The following DLG2 variants were observed in gnomAD, a reference collection of about 807,000 sequenced individuals.
The protein encoded by DLG2 is discs large MAGUK scaffold protein 2, also known as disks large homolog 2.
A neutral mutation model predicts 132.5 loss-of-function variants in DLG2; 45 were observed. That is an observed-to-expected ratio of 0.34 (90% CI 0.27 to 0.44). The LOEUF is 0.44. Ranked by LOEUF, DLG2 falls within the 20% of genes least tolerant of loss-of-function variation. The pLI, the probability that DLG2 is intolerant of heterozygous loss-of-function variation, is 1.00. For synonymous variants in DLG2, 424 were observed against 419.6 expected (o/e 1.01, Z -0.13); for missense variants, 1,045 against 1,196.9 (o/e 0.87, Z 1.87).
intron 25 of DLG2, among the ~76,000 whole-genome samples, chr11:83,467,874 G>A (rs961496632): frequency 2.0e-4 from 28 of 139,752 alleles, no homozygotes; most frequent in African/African-American, 5.9e-4. Context: ...AATTAAATGC[G>A]GGTTAAATGC....
chr11:85,309,357 T>G (rs1485663647), intron 3 of DLG2, among the ~76,000 whole-genome samples: 1 of 151,816 alleles, frequency 6.6e-6, no homozygotes, highest in Non-Finnish European at 1.5e-5. Flanking sequence ...ATGTAGCAAT[T>G]TTACAGTAAT....
intron 19 of DLG2, among the ~76,000 whole-genome samples, chr11:83,598,179 C>T (rs889094808): frequency 6.6e-6 from 1 of 152,092 alleles, no homozygotes; most frequent in African/African-American, 2.4e-5. Context: ...TCTGCATTTC[C>T]GAGAAGGGAA....
intron 18 of DLG2, among the ~76,000 whole-genome samples, chr11:83,700,901 C>G (rs971880469): frequency 1.3e-5 from 2 of 152,146 alleles, no homozygotes; most frequent in Non-Finnish European, 2.9e-5. Flanking sequence ...AACAATTGCT[C>G]TAGTAGTGCC....
rs545886752 is a variant in DLG2, at chr11:83,570,351, A to G, written c.1941-28493T>C. Among the ~76,000 whole-genome samples the G allele has an allele frequency of 2.6e-5, 4 of 152,314 alleles. No individual in the cohort carries two copies. In the East Asian group the frequency reaches 5.8e-4, roughly 22 times the overall value. Reference sequence around the variant, plus strand: ...TTAGTTCCCAGGATCCATGTGATGAATTTAAAGAAATAATGTAAGCACCCT... The same window carrying G: ...TTAGTTCCCAGGATCCATGTGATGAGTTTAAAGAAATAATGTAAGCACCCT... On this transcript the variant is annotated intron_variant, in intron 19 of 27. Transcript: ENST00000376104.
intron 3 of DLG2, among the ~76,000 whole-genome samples, chr11:85,287,097 G>A (rs1466502891): frequency 1.3e-5 from 2 of 152,084 alleles, no homozygotes; most frequent in South Asian, 2.1e-4. Context: ...TAAGAGTGAT[G>A]TGTATGCTTA....
chr11:83,970,354 C>A (rs1311030646), intron 12 of DLG2, among the ~76,000 whole-genome samples: 3 of 152,124 alleles, frequency 2.0e-5, no homozygotes, highest in African/African-American at 7.2e-5. Flanking sequence ...ATTTTTAGAC[C>A]ATAAAGCAGA....
At chr11:84,328,941 T>G (rs561083637) in intron 7 of DLG2, among the ~76,000 whole-genome samples, 2 of 152,340 alleles carry the variant, frequency 1.3e-5, no homozygotes, top group South Asian at 4.1e-4. Context: ...GTGCCTAGTT[T>G]CTATCAGGAA....
intron 3 of DLG2, among the ~76,000 whole-genome samples, chr11:85,512,046 T>A (rs1045022363): frequency 6.6e-6 from 1 of 152,096 alleles, no homozygotes; most frequent in Admixed American, 6.6e-5. Context: ...TCAGGAAGGA[T>A]CATAATATTA....
At chr11:84,785,664 A>G (rs1184773184) in intron 6 of DLG2, among the ~76,000 whole-genome samples, 5 of 152,176 alleles carry the variant, frequency 3.3e-5, no homozygotes, top group Non-Finnish European at 7.4e-5. Context: ...AAAACAAAAA[A>G]TAGGTTCCCT....
At chr11:84,769,344 T>C (rs751928759) in intron 6 of DLG2, among the ~76,000 whole-genome samples, 25 of 152,106 alleles carry the variant, frequency 1.6e-4, no homozygotes, top group East Asian at 3.9e-4. Context: ...TAAAATACAA[T>C]TGAAAGCTTT....
At chr11:83,658,910 G>C (rs1203748554) in intron 18 of DLG2, among the ~76,000 whole-genome samples, 9 of 152,184 alleles carry the variant, frequency 5.9e-5, no homozygotes, top group Admixed American at 5.2e-4. Flanking sequence ...GTGTGTAGTA[G>C]CATCACCCAG....
chr11:85,090,727 C>A (rs1566828173), intron 6 of DLG2, among the ~76,000 whole-genome samples: 1 of 152,182 alleles, frequency 6.6e-6, no homozygotes, highest in African/African-American at 2.4e-5. Context: ...TAGATCATCA[C>A]AATAAAGCAA....
chr11:84,003,392 C>T (rs1227848305), intron 11 of DLG2, among the ~76,000 whole-genome samples: 20 of 152,104 alleles, frequency 1.3e-4, no homozygotes, highest in Non-Finnish European at 4.4e-5. Context: ...TACCATTTTC[C>T]TGTATTAGTC....
At chr11:84,675,636 C>T (rs564655160) in intron 6 of DLG2, among the ~76,000 whole-genome samples, 4 of 152,028 alleles carry the variant, frequency 2.6e-5, no homozygotes, top group African/African-American at 9.7e-5. Flanking sequence ...GTTCACAATG[C>T]TTATTTCTAG....
intron 21 of DLG2, among the ~76,000 whole-genome samples, chr11:83,486,650 ACACTT>A (rs1265020075): frequency 2.8e-4 from 43 of 152,258 alleles, no homozygotes; most frequent in Admixed American, 3.3e-4. Context: ...ACTAAGCATC[ACACTT>A]TACAAAAGAA....
intron 6 of DLG2, among the ~76,000 whole-genome samples, chr11:84,794,183 G>T (rs1187021219): frequency 6.6e-6 from 1 of 152,216 alleles, no homozygotes; most frequent in Non-Finnish European, 1.5e-5. Flanking sequence ...AAACTATTTA[G>T]AAAGAATAAG....
intron 6 of DLG2, among the ~76,000 whole-genome samples, chr11:85,003,847 T>C (rs1015586889): frequency 6.6e-6 from 1 of 152,148 alleles, no homozygotes; most frequent in Admixed American, 6.5e-5. Flanking sequence ...CATTTGGTTT[T>C]TCTCTTAATG....
chr11:85,601,134 G>C (rs2080124467), intron 2 of DLG2, among the ~76,000 whole-genome samples: 1 of 152,128 alleles, frequency 6.6e-6, no homozygotes, highest in South Asian at 2.1e-4. Flanking sequence ...GATGACTGTT[G>C]AGTATTTATT....
chr11:84,311,032 A>C (rs2098281414), intron 7 of DLG2, among the ~76,000 whole-genome samples: 1 of 152,146 alleles, frequency 6.6e-6, no homozygotes, highest in South Asian at 2.1e-4. Flanking sequence ...TACTTCATCA[A>C]CACAATTCTA....
Sources: allele counts gnomAD v4.1 joint callset (sites outside exome capture counted in the v4.1 genomes callset), GRCh38; gene constraint gnomAD v4.1.1; transcripts MANE v1.5; gene names NCBI Gene and HGNC (gene_info 2026-07-23, HGNC 2026-07-21).